The following ZC3H12B variants were observed in gnomAD, a reference collection of about 807,000 sequenced individuals.
ZC3H12B encodes the protein zinc finger CCCH-type containing 12B.
ZC3H12B carries 7 observed loss-of-function variants against 43.9 expected under a neutral mutation model. The ratio of observed to expected loss-of-function variants is 0.16; its 90% CI spans 0.09 to 0.30. The LOEUF is 0.30. Among genes scored for constraint, ZC3H12B ranks in the 10% least tolerant of loss-of-function variants. ZC3H12B has a pLI of 1.00. For missense variants in ZC3H12B, 475 were observed against 670.2 expected, an observed-to-expected ratio of 0.71 and a Z score of 3.22; for synonymous variants, 222 against 241.7, an observed-to-expected ratio of 0.92 and a Z score of 0.76.
the ZC3H12B span, among the ~76,000 whole-genome samples, chrX:65,159,318 G>A: frequency 4.5e-5 from 5 of 111,965 alleles, no homozygotes; most frequent in Non-Finnish European, 7.5e-5. Context: ...GTCATTGGTA[G>A]CTTGATGGGG....
the ZC3H12B span, among the ~76,000 whole-genome samples, chrX:65,053,087 A>G: frequency 0.23 from 24,928 of 110,386 alleles, 6,834 homozygotes; most frequent in African/African-American, 0.78. Flanking sequence ...TATTGTTCAC[A>G]TGCCTGTTTG....
chrX:65,180,856 C>T, the ZC3H12B span, among the ~76,000 whole-genome samples: 16 of 111,695 alleles, frequency 1.4e-4, no homozygotes, highest in Admixed American at 9.5e-4. Context: ...AATGCTGTTT[C>T]CATCAAGCTA....
At chrX:65,264,368 TTCAG>T in the ZC3H12B span, among the ~76,000 whole-genome samples, 1 of 111,893 alleles carries the variant, frequency 8.9e-6, no homozygotes, top group Admixed American at 9.5e-5. Flanking sequence ...ATACAATTCA[TTCAG>T]TCAATTTCAA....
chrX:65,433,330 C>T (rs1404543946), intron 3 of ZC3H12B, among the ~76,000 whole-genome samples: 1 of 112,187 alleles, frequency 8.9e-6, no homozygotes, highest in Non-Finnish European at 1.9e-5. Flanking sequence ...CTCTGCAATA[C>T]CACCTGAAAT....
the ZC3H12B span, among the ~76,000 whole-genome samples, chrX:65,050,100 T>C: frequency 9.0e-6 from 1 of 111,474 alleles, no homozygotes; most frequent in African/African-American, 3.2e-5. Flanking sequence ...TTTCCAACTT[T>C]CTTTAAGCTA....
the ZC3H12B span, among the ~76,000 whole-genome samples, chrX:65,133,550 T>G: frequency 9.0e-6 from 1 of 111,703 alleles, no homozygotes; most frequent in African/African-American, 3.3e-5. Flanking sequence ...TGGCTATGCC[T>G]TCAGCTCCAG....
intron 3 of ZC3H12B, among the ~76,000 whole-genome samples, chrX:65,453,150 A>G (rs2067543907): frequency 9.3e-6 from 1 of 107,586 alleles, no homozygotes; most frequent in Admixed American, 1.0e-4. Flanking sequence ...TGGTATAAAA[A>G]TAGGCACATA....
the ZC3H12B span, among the ~76,000 whole-genome samples, chrX:65,121,173 T>G: frequency 1.8e-5 from 2 of 111,607 alleles, no homozygotes; most frequent in Non-Finnish European, 3.8e-5. Context: ...ATAAAATGAG[T>G]TAGGGAGGAT....
At chrX:65,479,900 C>T (rs756727049) in intron 3 of ZC3H12B, among the ~76,000 whole-genome samples, 10 of 112,538 alleles carry the variant, frequency 8.9e-5, no homozygotes, top group African/African-American at 1.9e-4. Flanking sequence ...TTTAAATACC[C>T]TCTAGAGGAT....
chrX:65,343,257 G>A, the ZC3H12B span, among the ~76,000 whole-genome samples: 1 of 111,530 alleles, frequency 9.0e-6, no homozygotes, highest in African/African-American at 3.3e-5. Context: ...ATAAAGAAGA[G>A]CTGGTACCAT....
At chrX:65,388,349 CT>C (rs1283228321) in intron 2 of ZC3H12B, among the ~76,000 whole-genome samples, 1 of 111,417 alleles carries the variant, frequency 9.0e-6, no homozygotes, top group African/African-American at 3.3e-5. Context: ...TTTGTTTATC[CT>C]TTTTTCTCTA....
the ZC3H12B span, among the ~76,000 whole-genome samples, chrX:65,193,639 G>A: frequency 1.8e-5 from 2 of 110,658 alleles, no homozygotes; most frequent in African/African-American, 3.3e-5. Flanking sequence ...ATTTATTTCT[G>A]CTCTGATTTT....
the ZC3H12B span, among the ~76,000 whole-genome samples, chrX:65,240,821 T>G: frequency 1.8e-5 from 2 of 112,322 alleles, no homozygotes; most frequent in Non-Finnish European, 3.8e-5. Flanking sequence ...ACAAGCCACT[T>G]TCCTATAGGG....
the ZC3H12B span, among the ~76,000 whole-genome samples, chrX:65,276,234 GT>G: frequency 9.0e-6 from 1 of 111,404 alleles, no homozygotes; most frequent in East Asian, 2.8e-4. Context: ...TGTATTATGG[GT>G]GTTTCAGAAA....
chrX:65,267,472 CA>C, the ZC3H12B span, among the ~76,000 whole-genome samples: 38 of 90,406 alleles, frequency 4.2e-4, no homozygotes, highest in Admixed American at 2.3e-3. Flanking sequence ...AAGAAGTATG[CA>C]AAAAAAAAAT....
the ZC3H12B span, among the ~76,000 whole-genome samples, chrX:65,167,306 TC>T: frequency 3.6e-5 from 4 of 112,163 alleles, no homozygotes; most frequent in Admixed American, 3.8e-4. Context: ...GGGAATCCTT[TC>T]CCCATTTCTG....
intron 2 of ZC3H12B, among the ~76,000 whole-genome samples, chrX:65,391,913 G>A (rs1038816548): frequency 1.2e-4 from 13 of 111,180 alleles, no homozygotes; most frequent in Admixed American, 3.8e-4. Context: ...TTGCAGGTGC[G>A]CACCACCACG....
chrX:65,098,231 C>CACACACACAT, the ZC3H12B span, among the ~76,000 whole-genome samples: 10 of 108,729 alleles, frequency 9.2e-5, no homozygotes, highest in African/African-American at 3.4e-4. Flanking sequence ...TTAGTACACA[C>CACACACACAT]ACACACACAC....
the ZC3H12B span, among the ~76,000 whole-genome samples, chrX:65,107,792 A>G: frequency 9.0e-6 from 1 of 111,008 alleles, no homozygotes; most frequent in Non-Finnish European, 1.9e-5. Context: ...CCATGATTGT[A>G]AGTTTCCTGA....
Sources: gnomAD v4.1 joint callset for allele counts (sites outside exome capture counted in the v4.1 genomes callset) on GRCh38, gnomAD v4.1.1 for gene constraint, MANE v1.5 for transcripts, NCBI Gene and HGNC (gene_info 2026-07-23, HGNC 2026-07-21) for gene names.